COL5A3: variants seen among roughly 807,000 people sequenced by gnomAD.
COL5A3 encodes collagen alpha-3(V) chain.
In COL5A3, 172 loss-of-function variants were observed where a neutral mutation model predicts 250.0. The ratio of observed to expected loss-of-function variants is 0.69; its 90% confidence interval spans 0.61 to 0.78. The LOEUF (loss-of-function observed/expected upper bound fraction) is 0.78. Ranked by LOEUF, COL5A3 falls within the 30% of genes least tolerant of loss-of-function variation. The probability of loss-of-function intolerance (pLI) is 0.00; values close to 1 mark genes in which losing one functional copy is unlikely to be tolerated. For synonymous variants in COL5A3, 937 were observed against 900.4 expected, an observed-to-expected ratio of 1.04 and a Z score of -0.73; for missense variants, 2,340 against 2,334.4, an observed-to-expected ratio of 1.00 and a Z score of -0.05.
chr19:9,970,728 G>A, intron 53 of COL5A3, 53 bp from the exon 54 acceptor site: 5 of 1,354,974 alleles, frequency 3.7e-6, no homozygotes, highest in Non-Finnish European at 4.8e-6. Flanking sequence ...GTTTGAGCCT[G>A]ACTGTTTTAG....
intron 62 of COL5A3, among the ~76,000 whole-genome samples, chr19:9,966,975 G>A (rs1447479870): frequency 6.6e-6 from 1 of 152,084 alleles, no homozygotes; most frequent in East Asian, 1.9e-4. Context: ...GTTGTAAGAG[G>A]ACAAAAGAGA....
chr19:9,962,436 T>C (rs1050033857), intron 65 of COL5A3, among the ~76,000 whole-genome samples: 16 of 152,332 alleles, frequency 1.1e-4, no homozygotes, highest in African/African-American at 3.6e-4. Context: ...CACCAGACCC[T>C]GTCTTGACTG....
At chr19:9,969,288 G>T in intron 57 of COL5A3, 61 bp downstream of exon 57, 1 of 1,436,842 alleles carries the variant, frequency 7.0e-7, no homozygotes, top group Non-Finnish European at 9.5e-7. Flanking sequence ...TCACTAGGTG[G>T]TCACTAGGTG....
chr19:10,010,212 GCCCCTCCACC>G (rs899573614), intron 1 of COL5A3, 76 bp downstream of exon 1: 10 of 322,320 alleles, frequency 3.1e-5, no homozygotes, highest in African/African-American at 8.2e-5. Context: ...TCCCCTCCAC[GCCCCTCCACC>G]CCCCTCCACC....
In COL5A3 at chr19:10,003,625, G is replaced by T. The variant is rs746272697; in HGVS notation, c.789C>A (p.Gly263=). 2 of 1,614,134 alleles carry T rather than the reference G, an allele frequency of 1.2e-6. No individual in the cohort carries two copies. The highest frequency in any genetic ancestry group is 1.7e-6 in the Non-Finnish European group (2 of 1,180,006). Residue 263 remains glycine, a synonymous_variant, in exon 6 of 67, where the codon GGC becomes GGA. Transcript: ENST00000264828. Reference sequence around the variant, plus strand: ...TCCAAATTTCCTTGTTCTTTTTCCTGCCCTTCCCCTTGCGACCTCGCCCTT... The same window carrying T: ...TCCAAATTTCCTTGTTCTTTTTCCTTCCCTTCCCCTTGCGACCTCGCCCTT... ...RKKGRGRKGK[G]RKKNKEIWTS...
intron 21 of COL5A3, among the ~76,000 whole-genome samples, chr19:9,992,573 T>C (rs766281727): frequency 7.9e-5 from 12 of 152,082 alleles, no homozygotes; most frequent in Non-Finnish European, 1.6e-4. Flanking sequence ...GGCCAGGAGT[T>C]CGAGACCAAC....
At chr19:9,970,551 A>C in intron 54 of COL5A3, 71 bp downstream of exon 54, 1 of 988,848 alleles carries the variant, frequency 1.0e-6, no homozygotes. Flanking sequence ...GGGCTGTGGG[A>C]TGAGTGAGGT....
chr19:9,995,670 T>G, intron 15 of COL5A3, 53 bp from the exon 16 acceptor site: 1 of 1,385,904 alleles, frequency 7.2e-7, no homozygotes, highest in Non-Finnish European at 1.0e-6. Context: ...AAAGAGGGAC[T>G]TATTCTATTG....
intron 8 of COL5A3, among the ~76,000 whole-genome samples, chr19:9,999,058 T>C (rs77133756): frequency 4.2e-5 from 6 of 142,112 alleles, no homozygotes; most frequent in African/African-American, 1.9e-4. Flanking sequence ...CTTTCTCTTT[T>C]TCTTTCTTCT....
At chr19:10,007,984 G>A (rs1376900505) in intron 1 of COL5A3, among the ~76,000 whole-genome samples, 4 of 147,540 alleles carry the variant, frequency 2.7e-5, no homozygotes, top group South Asian at 2.2e-4. Flanking sequence ...CTCTCCACCC[G>A]CCTTCCCCAA....
chr19:9,969,397 T>G lies in COL5A3; in HGVS notation c.4104A>C (p.Glu1368Asp). 6.2e-7 allele frequency: 1 copy of G among 1,607,440 alleles called. No individual in the cohort carries two copies. Among genetic ancestry groups the G allele is most frequent in the East Asian group, 2.2e-5 (1 of 44,772 alleles). ...GLRGIPGPVGEPGLLGAPGQM... is the reference protein window; with the variant it reads ...GLRGIPGPVGDPGLLGAPGQM... The stretch of plus-strand genomic sequence containing the variant: ...GTCCAGGGGCTCCCAGGAGGCCTGG[T>G]TCACCCTGAGAATGGAACAGAACAT... The change falls in exon 57 of 67, where the codon GAA becomes GAC. Residue 1368 changes from glutamate (E) to aspartate (D), a missense_variant. By Grantham distance (45) the Glu-to-Asp change is conservative. Around this residue, in one of 3 missense-constraint regions of COL5A3, gnomAD observed 1,179 missense variants for 1,162.6 expected, o/e 1.01. Coordinates refer to ENST00000264828, the MANE Select transcript of COL5A3 (RefSeq NM_015719.4).
chr19:9,991,527 G>A (rs1441255744), intron 24 of COL5A3, 83 bp downstream of exon 24: 2 of 1,149,424 alleles, frequency 1.7e-6, no homozygotes, highest in East Asian at 5.1e-5. Flanking sequence ...CTAACAGAGG[G>A]GTCTTGGTGG....
chr19:9,970,442 G>GGGGTAAGCGGGGACTGTAA (rs2086824961), intron 54 of COL5A3, among the ~76,000 whole-genome samples, 180 bp downstream of exon 54: 6 of 49,934 alleles, frequency 1.2e-4, no homozygotes, highest in East Asian at 5.6e-4. Flanking sequence ...TGGGGTCTGT[G>GGGGTAAGCGGGGACTGTAA]GGTGAGTGGG....
At chr19:9,994,559 CATATATATAT>C (rs57642882) in intron 16 of COL5A3, among the ~76,000 whole-genome samples, 2,375 of 70,446 alleles carry the variant, frequency 0.034, 74 homozygotes, top group Non-Finnish European at 0.047. Flanking sequence ...ATATGTTTTA[CATATATATAT>C]ATATATATAT....
chr19:9,988,312 C>T (rs900419548), intron 27 of COL5A3, among the ~76,000 whole-genome samples: 1 of 152,310 alleles, frequency 6.6e-6, no homozygotes, highest in Middle Eastern at 3.4e-3. Context: ...GCTTGCCAGA[C>T]TCTGTGCCTG....
chr19:9,986,431 A>G lies in COL5A3; in HGVS notation c.2245-9T>C, dbSNP rs746470717. ...GGAGCTCCGGGTTTCCCCTGGAAGA[A>G]AAAGGAGAGTATTTAATATCCATCT... On this transcript the variant is annotated splice_polypyrimidine_tract_variant and intron_variant, in intron 29 of 66. Coordinates refer to ENST00000264828, the MANE Select transcript of COL5A3 (RefSeq NM_015719.4). The G allele has an allele frequency of 1.9e-6, 3 of 1,612,990 alleles. No individual in the cohort carries two copies. The highest frequency in any genetic ancestry group is 2.5e-6 in the Non-Finnish European group (3 of 1,179,274).
intron 8 of COL5A3, among the ~76,000 whole-genome samples, chr19:9,999,989 C>T (rs1268085241): frequency 6.6e-6 from 1 of 152,070 alleles, no homozygotes; most frequent in Non-Finnish European, 1.5e-5. Context: ...AACTCTTGGG[C>T]TCAGGTGATC....
chr19:9,979,738 A>C, intron 37 of COL5A3, 101 bp downstream of exon 37: 2 of 1,135,320 alleles, frequency 1.8e-6, no homozygotes, highest in Non-Finnish European at 2.5e-6. Context: ...GTGAGCCGAG[A>C]TTGCCCCACT....
At position 9,971,276 on chromosome 19, in the gene COL5A3, T is replaced by A. The variant is rs752526702; in HGVS notation, c.3775-18A>T. 10 of 1,549,696 alleles carry A rather than the reference T, an allele frequency of 6.5e-6. No homozygotes were observed. In the African/African-American group the frequency reaches 1.1e-4, roughly 17 times the overall value. ...GTGGGGCCCTGGAACACAGAATGAT[T>A]AATAATCACATCTCTGAATTGTGGA... On this transcript the variant is annotated intron_variant, in intron 51 of 66. Coordinates refer to ENST00000264828, the MANE Select transcript of COL5A3 (RefSeq NM_015719.4).
Sources: gnomAD v4.1 joint callset for allele counts (sites outside exome capture counted in the v4.1 genomes callset) on GRCh38, gnomAD v4.1.1 for gene constraint, gnomAD v4.1.1 regional missense constraint, MANE v1.5 for transcripts, NCBI Gene and HGNC (gene_info 2026-07-23, HGNC 2026-07-21) for gene names.